Variants in TENM3 observed in about 807,000 individuals in gnomAD.
TENM3 encodes teneurin-3.
In TENM3, 63 loss-of-function variants were observed where a neutral mutation model predicts 255.1. The ratio of observed to expected loss-of-function variants is 0.25; its 90% CI spans 0.20 to 0.30. TENM3 has a LOEUF of 0.30. Among genes scored for constraint, TENM3 ranks in the 10% least tolerant of loss-of-function variants. The probability of loss-of-function intolerance (pLI) is 1.00; values close to 1 mark genes in which losing one functional copy is unlikely to be tolerated. For synonymous variants in TENM3, 1,306 were observed against 1,322.3 expected (o/e 0.99, Z 0.27); for missense variants, 2,929 against 3,461.1 (o/e 0.85, Z 3.86).
the TENM3 span, among the ~76,000 whole-genome samples, chr4:181,724,203 A>C: frequency 1.3e-5 from 2 of 152,220 alleles, no homozygotes; most frequent in South Asian, 4.1e-4. Flanking sequence ...GTGGGTAAGA[A>C]ATGATTTGTT....
chr4:181,655,013 C>A, the TENM3 span, among the ~76,000 whole-genome samples: 1 of 152,170 alleles, frequency 6.6e-6, no homozygotes, highest in Non-Finnish European at 1.5e-5. Context: ...CAGGCATTTG[C>A]AATCAAGCTG....
At chr4:181,883,971 G>C in the TENM3 span, among the ~76,000 whole-genome samples, 1 of 152,120 alleles carries the variant, frequency 6.6e-6, no homozygotes, top group African/African-American at 2.4e-5. Flanking sequence ...TAATGAATGG[G>C]AGGCTGCATC....
chr4:181,842,131 A>C, the TENM3 span, among the ~76,000 whole-genome samples: 5 of 152,208 alleles, frequency 3.3e-5, no homozygotes, highest in African/African-American at 1.2e-4. Flanking sequence ...TAAATAAATT[A>C]AAAGGCCAGT....
intron 4 of TENM3, among the ~76,000 whole-genome samples, chr4:182,603,784 T>TATATATATATATATATATATATAG (rs58332965): frequency 0.048 from 6,307 of 132,446 alleles, 322 homozygotes; most frequent in Non-Finnish European, 0.07. Flanking sequence ...TATATATATA[T>TATATATATATATATATATATATAG]ACACACACAC....
chr4:181,478,730 A>T, the TENM3 span, among the ~76,000 whole-genome samples: 1 of 152,194 alleles, frequency 6.6e-6, no homozygotes, highest in African/African-American at 2.4e-5. Context: ...TAGATGACAC[A>T]TTATTAAAAC....
intron 12 of TENM3, among the ~76,000 whole-genome samples, chr4:182,704,822 C>CTTTTTTT (rs201275276): frequency 8.1e-6 from 1 of 124,158 alleles, no homozygotes. Flanking sequence ...TACACACAAA[C>CTTTTTTT]TTTTTTTTTT....
the TENM3 span, among the ~76,000 whole-genome samples, chr4:181,726,448 C>G: frequency 6.6e-6 from 1 of 152,194 alleles, no homozygotes; most frequent in Admixed American, 6.5e-5. Context: ...GATATGGGAA[C>G]AGAGGCTCAG....
the TENM3 span, among the ~76,000 whole-genome samples, chr4:182,047,194 A>T: frequency 6.6e-6 from 1 of 152,172 alleles, no homozygotes; most frequent in African/African-American, 2.4e-5. Flanking sequence ...TACTAAAAGG[A>T]CTGTCATAAT....
chr4:182,753,719 C>A, intron 21 of TENM3, 115 bp downstream of exon 21: 1 of 913,650 alleles, frequency 1.1e-6, no homozygotes, highest in Non-Finnish European at 1.6e-6. Flanking sequence ...TGCAGTGGTT[C>A]TGATAGGGCA....
intron 5 of TENM3, among the ~76,000 whole-genome samples, chr4:182,647,536 A>G (rs1047690974): frequency 2.0e-5 from 3 of 152,194 alleles, no homozygotes; most frequent in African/African-American, 7.2e-5. Flanking sequence ...TGCATGTCGC[A>G]TTCTATAGCA....
At chr4:182,208,434 C>T (rs1305587049) in intron 1 of TENM3, among the ~76,000 whole-genome samples, 2 of 152,166 alleles carry the variant, frequency 1.3e-5, no homozygotes, top group African/African-American at 2.4e-5. Context: ...TTAGGCTTTG[C>T]AGGCCAGGAG....
chr4:182,251,886 A>G (rs1269827929), intron 1 of TENM3, among the ~76,000 whole-genome samples: 1 of 152,220 alleles, frequency 6.6e-6, no homozygotes. Context: ...CTGCATTTGA[A>G]TTAAATGAGA....
At chr4:182,774,750 C>T (rs1462104261) in intron 23 of TENM3, among the ~76,000 whole-genome samples, 168 bp from the exon 24 acceptor site, 1 of 152,232 alleles carries the variant, frequency 6.6e-6, no homozygotes, top group Non-Finnish European at 1.5e-5. Context: ...CCTCTGACAG[C>T]ATGAAATGCC....
At chr4:181,972,933 A>G in the TENM3 span, among the ~76,000 whole-genome samples, 1 of 152,204 alleles carries the variant, frequency 6.6e-6, no homozygotes, top group Non-Finnish European at 1.5e-5. Context: ...GTTTTGCCAA[A>G]AAAAAAATCC....
the TENM3 span, among the ~76,000 whole-genome samples, chr4:182,071,070 A>G: frequency 6.7e-6 from 1 of 150,156 alleles, no homozygotes; most frequent in East Asian, 2.0e-4. Context: ...TGAATTAAGC[A>G]AAGTGTTGGT....
intron 1 of TENM3, among the ~76,000 whole-genome samples, chr4:182,178,614 A>G (rs527303084): frequency 7.2e-5 from 11 of 152,016 alleles, no homozygotes; most frequent in Admixed American, 6.6e-4. Context: ...AATAACAGTA[A>G]TTTTGTTAGC....
chr4:181,470,249 T>G, the TENM3 span, among the ~76,000 whole-genome samples: 1 of 152,200 alleles, frequency 6.6e-6, no homozygotes, highest in African/African-American at 2.4e-5. Context: ...TAAATATGTT[T>G]GGTCATTATC....
the TENM3 span, among the ~76,000 whole-genome samples, chr4:181,883,020 A>C: frequency 2.6e-5 from 4 of 151,930 alleles, no homozygotes; most frequent in Non-Finnish European, 5.9e-5. Context: ...CAATAGATAA[A>C]TATTCCTGCA....
the TENM3 span, among the ~76,000 whole-genome samples, chr4:181,730,619 A>G: frequency 2.0e-5 from 3 of 152,202 alleles, no homozygotes; most frequent in Admixed American, 2.0e-4. Flanking sequence ...CAGTGCGACC[A>G]GATAGACTTT....
Sources: allele counts gnomAD v4.1 joint callset (sites outside exome capture counted in the v4.1 genomes callset), GRCh38; gene constraint gnomAD v4.1.1; transcripts MANE v1.5; gene names NCBI Gene and HGNC (gene_info 2026-07-23, HGNC 2026-07-21).